CLCN3: variants seen among roughly 807,000 people sequenced by gnomAD.
The protein encoded by CLCN3 is Cl-/H+ antiporter 3, also known as H(+)/Cl(-) exchange transporter 3.
A neutral mutation model predicts 83.4 loss-of-function variants in CLCN3; 16 were observed. The observed-to-expected ratio is 0.19, with a 90% CI of 0.13 to 0.29. The LOEUF is 0.29. CLCN3 is among the 10% of genes least tolerant of loss of function. The probability of loss-of-function intolerance (pLI) is 1.00; values close to 1 mark genes in which losing one functional copy is unlikely to be tolerated. For missense variants in CLCN3, 544 were observed against 1,006.0 expected (o/e 0.54, Z 6.21); for synonymous variants, 322 against 346.2 (o/e 0.93, Z 0.78).
chr4:169,675,989 A>C (rs1258337748), intron 2 of CLCN3, among the ~76,000 whole-genome samples: 1 of 152,212 alleles, frequency 6.6e-6, no homozygotes, highest in Non-Finnish European at 1.5e-5. Context: ...ACCTGTAAGT[A>C]CAAAGTAGAA....
At chr4:169,665,793 A>G (rs113216357) in intron 2 of CLCN3, among the ~76,000 whole-genome samples, 31 of 152,308 alleles carry the variant, frequency 2.0e-4, no homozygotes, top group African/African-American at 5.5e-4. Flanking sequence ...GAGGATCACC[A>G]TTTCACATCT....
intron 1 of CLCN3, among the ~76,000 whole-genome samples, chr4:169,630,532 T>TA (rs1773342865): frequency 6.6e-6 from 1 of 152,064 alleles, no homozygotes; most frequent in Non-Finnish European, 1.5e-5. Flanking sequence ...TTCCTTTTTT[T>TA]ATTTTTATTT....
chr4:169,625,668 G>C (rs1773216651), intron 1 of CLCN3, among the ~76,000 whole-genome samples: 1 of 152,144 alleles, frequency 6.6e-6, no homozygotes, highest in Non-Finnish European at 1.5e-5. Flanking sequence ...TCTGCCAACT[G>C]TTTTCAGTTA....
chr4:169,719,858 T>G (rs866358645), intron 12 of CLCN3, 49 bp from the exon 13 acceptor site: 3 of 1,482,958 alleles, frequency 2.0e-6, no homozygotes, highest in Middle Eastern at 3.6e-4. Flanking sequence ...TAGCTTCTCC[T>G]TTTATTTTCC....
intron 2 of CLCN3, among the ~76,000 whole-genome samples, chr4:169,671,949 C>T (rs1581231087): frequency 6.6e-6 from 1 of 152,096 alleles, no homozygotes; most frequent in Non-Finnish European, 1.5e-5. Flanking sequence ...CAGTGGCTCA[C>T]GCCTGTAATC....
In CLCN3 at chr4:169,671,217, A is replaced by T. The variant is rs553533492; in HGVS notation, c.161-8833A>T. Among the ~76,000 whole-genome samples, 12 of 152,372 alleles carry T rather than the reference A, an allele frequency of 7.9e-5. No homozygotes were observed. The South Asian group carries it at 2.5e-3, about 32-fold the overall frequency. ...CAACCCAAAAAGCCATCAATGGTAG[A>T]CTGGATAAAGAAAATGTGGCACATA... On this transcript the variant is annotated intron_variant, in intron 2 of 12. Transcript: ENST00000513761.
rs72694724 is a variant in CLCN3, at chr4:169,623,410, A to G, written c.-17+2347A>G. ...TAATTGACAGATAATCATTGTGTATATTTATGGGGTTCAATGTGATGTTTT... is the reference window on the plus strand; with the variant it reads ...TAATTGACAGATAATCATTGTGTATGTTTATGGGGTTCAATGTGATGTTTT... On this transcript the variant is annotated intron_variant, in intron 1 of 12. Coordinates refer to ENST00000513761, the MANE Select transcript of CLCN3 (RefSeq NM_001829.4). Among the ~76,000 whole-genome samples the G allele has an allele frequency of 6.0e-3, 908 of 152,198 alleles. 9 individuals are homozygous for G. The highest frequency in any genetic ancestry group is 0.035 in the South Asian group (171 of 4,826).
chr4:169,674,875 C>T (rs1256635389), intron 2 of CLCN3, among the ~76,000 whole-genome samples: 2 of 152,054 alleles, frequency 1.3e-5, no homozygotes, highest in Admixed American at 1.3e-4. Context: ...TTCAGCCTCC[C>T]GAGTAGCTGG....
intron 2 of CLCN3, among the ~76,000 whole-genome samples, chr4:169,668,745 T>TTTG (rs35051412): frequency 1.3e-5 from 2 of 150,400 alleles, no homozygotes; most frequent in Non-Finnish European, 3.0e-5. Context: ...TTTTTTTTTT[T>TTTG]GTCTTAAACT....
intron 2 of CLCN3, among the ~76,000 whole-genome samples, chr4:169,678,256 C>G (rs1402030892): frequency 6.6e-6 from 1 of 152,172 alleles, no homozygotes. Flanking sequence ...TCAAAATTCT[C>G]CGCAGCGTCA....
At chr4:169,704,925 C>G (rs1226302327) in intron 10 of CLCN3, among the ~76,000 whole-genome samples, 1 of 152,126 alleles carries the variant, frequency 6.6e-6, no homozygotes, top group Non-Finnish European at 1.5e-5. Context: ...CTCATTTTCA[C>G]CAAAGTAGCA....
At chr4:169,696,622 G>A (rs1399049752) in intron 8 of CLCN3, among the ~76,000 whole-genome samples, 1 of 151,760 alleles carries the variant, frequency 6.6e-6, no homozygotes, top group African/African-American at 2.4e-5. Context: ...TCATCTTACT[G>A]TGCAATAGAA....
At chr4:169,677,655 A>G (rs1164287349) in intron 2 of CLCN3, among the ~76,000 whole-genome samples, 6 of 152,198 alleles carry the variant, frequency 3.9e-5, no homozygotes, top group Non-Finnish European at 5.9e-5. Flanking sequence ...TAGGTTGAAG[A>G]GCATCTGTGT....
At chr4:169,686,095 T>C (rs1258978968) in intron 3 of CLCN3, among the ~76,000 whole-genome samples, 1 of 152,070 alleles carries the variant, frequency 6.6e-6, no homozygotes, top group African/African-American at 2.4e-5. Flanking sequence ...ACATCGCATG[T>C]TCTCACTCAT....
chr4:169,713,230 A>G lies in CLCN3; in HGVS notation c.2301A>G (p.Pro767=), dbSNP rs748947957. Reference sequence around the variant, plus strand: ...CTTTTACAGTGACAGACCACACCCCAATGGAGATCGTGGTGGATATTTTCC... The same window carrying G: ...CTTTTACAGTGACAGACCACACCCCGATGGAGATCGTGGTGGATATTTTCC... The part of the protein sequence containing the change: ...MSPFTVTDHT[P]MEIVVDIFRK... The change falls in exon 12 of 13, where the codon CCA becomes CCG. Residue 767 remains proline (P), a synonymous_variant. Transcript: ENST00000513761. 1.2e-6 allele frequency: 2 copies of G among 1,613,950 alleles called. No individual in the cohort carries two copies. Among genetic ancestry groups the G allele is most frequent in the African/African-American group, 2.7e-5 (2 of 74,900 alleles).
chr4:169,648,964 T>A (rs920135996), intron 2 of CLCN3, among the ~76,000 whole-genome samples: 1 of 150,760 alleles, frequency 6.6e-6, no homozygotes, highest in Non-Finnish European at 1.5e-5. Flanking sequence ...GAGGCAGAGG[T>A]TGCAGTAAGC....
At chr4:169,654,282 C>G (rs546676918) in intron 2 of CLCN3, among the ~76,000 whole-genome samples, 1 of 152,042 alleles carries the variant, frequency 6.6e-6, no homozygotes, top group South Asian at 2.1e-4. Context: ...TCCTTTCTCT[C>G]CCCTTGCCCT....
chr4:169,657,785 A>G (rs544676051), intron 2 of CLCN3, among the ~76,000 whole-genome samples: 1 of 152,166 alleles, frequency 6.6e-6, no homozygotes, highest in South Asian at 2.1e-4. Context: ...CATCCTGAGC[A>G]TTTTTCCAGA....
rs1449814305 is a variant in CLCN3 at position 169,721,336 on chromosome 4, G to C, written c.*1339G>C. On this transcript the variant is annotated 3_prime_UTR_variant, in exon 13 of 13. Coordinates refer to ENST00000513761, the MANE Select transcript of CLCN3 (RefSeq NM_001829.4). ...CAGTGGGAACAAAGGTTTAAAAAAA[G>C]GTTGTGGTTCTCTCTCTGTGATCCA... 6.6e-6 allele frequency: 1 copy of C among 152,138 alleles called. No homozygotes were observed. The highest frequency in any genetic ancestry group is 1.5e-5 in the Non-Finnish European group (1 of 68,020). 9.4% of individuals were successfully genotyped at this position (152,138 alleles called of 1,614,324 possible). A position where few individuals can be genotyped will look rare whatever the true frequency, so the allele number is the denominator to read the frequency against.
Sources: allele counts gnomAD v4.1 joint callset (sites outside exome capture counted in the v4.1 genomes callset), GRCh38; gene constraint gnomAD v4.1.1; transcripts MANE v1.5; gene names NCBI Gene and HGNC (gene_info 2026-07-23, HGNC 2026-07-21).